Variants in UBA6 observed in about 807,000 individuals in gnomAD.
UBA6 encodes ubiquitin like modifier activating enzyme 6.
UBA6 carries 87 observed loss-of-function variants against 148.3 expected under a neutral mutation model. That is an observed-to-expected ratio of 0.59 (90% CI 0.49 to 0.70). The LOEUF (loss-of-function observed/expected upper bound fraction) is 0.70. Among genes scored for constraint, UBA6 ranks in the 30% least tolerant of loss-of-function variants. The probability of loss-of-function intolerance (pLI) is 0.00; values close to 1 mark genes in which losing one functional copy is unlikely to be tolerated. For missense variants in UBA6, 1,186 were observed against 1,241.2 expected (o/e 0.96, Z 0.67); for synonymous variants, 376 against 401.0 (o/e 0.94, Z 0.75).
intron 4 of UBA6, among the ~76,000 whole-genome samples, chr4:67,679,940 A>G (rs1730390604): frequency 6.6e-6 from 1 of 152,174 alleles, no homozygotes; most frequent in Admixed American, 6.5e-5. Context: ...AAGATGGAAC[A>G]ATCTGAGCAT....
At chr4:67,679,288 C>G (rs1381597845) in intron 4 of UBA6, among the ~76,000 whole-genome samples, 1 of 152,000 alleles carries the variant, frequency 6.6e-6, no homozygotes, top group Non-Finnish European at 1.5e-5. Context: ...TATAAAAAGA[C>G]AGTAACCTAA....
intron 2 of UBA6, among the ~76,000 whole-genome samples, chr4:67,692,105 C>T (rs999860521): frequency 2.0e-5 from 3 of 151,890 alleles, no homozygotes; most frequent in African/African-American, 7.3e-5. Flanking sequence ...TTTTGGTGCA[C>T]CCATCACCCA....
At chr4:67,664,319 C>T (rs371956806) in intron 10 of UBA6, among the ~76,000 whole-genome samples, 98 of 151,922 alleles carry the variant, frequency 6.5e-4, no homozygotes, top group African/African-American at 2.3e-3. Context: ...ATGAAACCCC[C>T]CCTAAAAAAA....
rs912164384 is a variant in UBA6, at chr4:67,613,464, G to A, written c.*5533C>T. ...GATAAGAAATTGAAAATTTCAGCAA[G>A]ACAATTAGAAACTGCAGGAGTGACA... On this transcript the variant is annotated 3_prime_UTR_variant, in exon 33 of 33. Transcript: ENST00000322244. 1.3e-5 allele frequency: 2 copies of A among 152,096 alleles called. No homozygotes were observed. The highest frequency in any genetic ancestry group is 4.8e-5 in the African/African-American group (2 of 41,426). 9.4% of individuals were successfully genotyped at this position (152,096 alleles called of 1,614,324 possible). A position where few individuals can be genotyped will look rare whatever the true frequency, so the allele number is the denominator to read the frequency against.
chr4:67,662,473 G>GT (rs1250132573), intron 12 of UBA6: 50,851 of 332,056 alleles, frequency 0.15, 67 homozygotes, highest in East Asian at 0.19. Flanking sequence ...AGTTTTTTTT[G>GT]TTTTTTTTTT....
rs527293298 is a variant in UBA6, at chr4:67,639,303, C to T, written c.1555-179G>A. Among the ~76,000 whole-genome samples, 19 of 152,192 alleles carry T rather than the reference C, an allele frequency of 1.2e-4. No individual in the cohort carries two copies. In the South Asian group the frequency reaches 2.1e-3, roughly 17 times the overall value. ...GTAGAAATTACATTCACTGTAATCA[C>T]ACTACATTAATAATGCACATTAGTC... On this transcript the variant is annotated intron_variant, in intron 18 of 32. Coordinates refer to ENST00000322244, the MANE Select transcript of UBA6 (RefSeq NM_018227.6).
chr4:67,689,271 A>C (rs1730640757), intron 2 of UBA6, among the ~76,000 whole-genome samples: 1 of 152,170 alleles, frequency 6.6e-6, no homozygotes, highest in African/African-American at 2.4e-5. Flanking sequence ...TTTCAACTTA[A>C]TAATATTTTC....
intron 4 of UBA6, among the ~76,000 whole-genome samples, chr4:67,679,694 A>G (rs1432116758): frequency 3.9e-5 from 6 of 152,168 alleles, no homozygotes. Flanking sequence ...TAGAAACCAA[A>G]ATCCTAATAA....
At chr4:67,678,728 T>C (rs943121248) in intron 4 of UBA6, among the ~76,000 whole-genome samples, 195 bp from the exon 5 acceptor site, 8 of 152,228 alleles carry the variant, frequency 5.3e-5, no homozygotes, top group Non-Finnish European at 1.2e-4. Flanking sequence ...ACTTGTTAGA[T>C]TGGCATAAAT....
In UBA6 at chr4:67,634,512, G is replaced by A. The variant is rs757107923; in HGVS notation, c.1849C>T (p.Pro617Ser). 1 of 1,559,672 alleles carries A rather than the reference G, an allele frequency of 6.4e-7. No individual in the cohort carries two copies. Among genetic ancestry groups the A allele is most frequent in the Non-Finnish European group, 8.6e-7 (1 of 1,161,824 alleles). Residue 617 changes from proline to serine, a missense_variant, in exon 21 of 33, where the codon CCC becomes TCC. By Grantham distance (74) the Pro-to-Ser change is moderately conservative. Coordinates refer to ENST00000322244, the MANE Select transcript of UBA6 (RefSeq NM_018227.6). The stretch of plus-strand genomic sequence containing the variant: ...CAAAATGGTATTTCCTCTTCTGGGG[G>A]ATCCCGCTAATTTATAAAATATGAC... ...LTESYNSHRD[P>S]PEEEIPFCTL...
At chr4:67,627,525 A>G (rs1728895968) in intron 27 of UBA6, among the ~76,000 whole-genome samples, 1 of 151,862 alleles carries the variant, frequency 6.6e-6, no homozygotes, top group Non-Finnish European at 1.5e-5. Flanking sequence ...AAGTTAAAGC[A>G]TTTTTCCTTG....
At chr4:67,694,393 C>CTT (rs201952800) in intron 2 of UBA6, among the ~76,000 whole-genome samples, 3 of 140,850 alleles carry the variant, frequency 2.1e-5, no homozygotes, top group African/African-American at 2.6e-5. Flanking sequence ...CTTTGTATTT[C>CTT]TTTTTTTTTT....
At chr4:67,628,522 T>G (rs528351165) in intron 27 of UBA6, among the ~76,000 whole-genome samples, 1 of 151,906 alleles carries the variant, frequency 6.6e-6, no homozygotes, top group African/African-American at 2.4e-5. Flanking sequence ...TTATACCAGC[T>G]CCATCACTCT....
At chr4:67,647,735 G>T (rs1028945553) in intron 14 of UBA6, among the ~76,000 whole-genome samples, 2 of 150,510 alleles carry the variant, frequency 1.3e-5, no homozygotes, top group Non-Finnish European at 3.0e-5. Context: ...TTATAACACA[G>T]AATCTATATT....
intron 6 of UBA6, among the ~76,000 whole-genome samples, chr4:67,675,493 G>A (rs1730257378): frequency 1.3e-5 from 2 of 152,170 alleles, no homozygotes. Flanking sequence ...CACTTTGGGA[G>A]GCCAATGCGG....
At chr4:67,680,314 A>G (rs1037061683) in intron 4 of UBA6, among the ~76,000 whole-genome samples, 6 of 152,212 alleles carry the variant, frequency 3.9e-5, no homozygotes, top group Non-Finnish European at 1.5e-5. Context: ...GAGACAACAG[A>G]ATATTACTGT....
Position 67,677,637 on chromosome 4 carries a change from C to T in UBA6, c.439G>A (p.Asp147Asn), listed in dbSNP as rs377283882. Residue 147 changes from aspartate (D) to asparagine (N), a missense_variant, in exon 6 of 33, where the codon GAT becomes AAT. Coordinates refer to ENST00000322244, the MANE Select transcript of UBA6 (RefSeq NM_018227.6). ...SSSVPFNETT[D>N]LSFLDKYQCV... is the part of the protein sequence containing the mutation. ...TGGTATTTATCTAAAAAGGAGAGAT[C>T]TGTGGTCTCATTGAAAGGAACAGAA... is the stretch of plus-strand genomic sequence containing the variant. 8.9e-5 allele frequency: 142 copies of T among 1,592,168 alleles called. No homozygotes were observed. Among genetic ancestry groups the T allele is most frequent in the Middle Eastern group, 8.3e-4 (5 of 6,004 alleles).
In UBA6 at chr4:67,675,248, C is replaced by G. The variant is rs116576521; in HGVS notation, c.466-1471G>C. On this transcript the variant is annotated intron_variant, in intron 6 of 32. Coordinates refer to ENST00000322244, the MANE Select transcript of UBA6 (RefSeq NM_018227.6). Reference sequence around the variant, plus strand: ...ATCTATTCACTGTTTAATCTATCCACTGAATTTTAATTTTTAAGACTTCAT... The same window carrying G: ...ATCTATTCACTGTTTAATCTATCCAGTGAATTTTAATTTTTAAGACTTCAT... Among the ~76,000 whole-genome samples, 566 of 152,324 alleles carry G rather than the reference C, an allele frequency of 3.7e-3. 3 individuals carry two copies. The highest frequency in any genetic ancestry group is 0.013 in the African/African-American group (546 of 41,576).
intron 11 of UBA6, chr4:67,663,505 TA>T (rs775953676): frequency 7.8e-4 from 265 of 338,862 alleles, no homozygotes; most frequent in South Asian, 1.2e-3. Flanking sequence ...ACATCCATTT[TA>T]AAAAAAAATA....
Sources: gnomAD v4.1 joint callset for allele counts (sites outside exome capture counted in the v4.1 genomes callset) on GRCh38, gnomAD v4.1.1 for gene constraint, MANE v1.5 for transcripts, NCBI Gene and HGNC (gene_info 2026-07-23, HGNC 2026-07-21) for gene names.